EHBP1: variants seen among roughly 807,000 people sequenced by gnomAD.
The protein encoded by EHBP1 is EH domain-binding protein 1.
In EHBP1, 55 loss-of-function variants were observed where a neutral mutation model predicts 144.0. The observed-to-expected ratio is 0.38, with a 90% CI of 0.31 to 0.48. The LOEUF (loss-of-function observed/expected upper bound fraction) is 0.48, where lower values mean the gene tolerates loss of function less well. Ranked by LOEUF, EHBP1 falls within the 20% of genes least tolerant of loss-of-function variation. The pLI, the probability that EHBP1 is intolerant of heterozygous loss-of-function variation, is 0.98. For synonymous variants in EHBP1, 469 were observed against 472.7 expected (o/e 0.99, Z 0.10); for missense variants, 1,200 against 1,364.2 (o/e 0.88, Z 1.90).
At chr2:62,837,471 T>A (rs1360896828) in intron 7 of EHBP1, among the ~76,000 whole-genome samples, 8 of 150,532 alleles carry the variant, frequency 5.3e-5, no homozygotes, top group Admixed American at 2.0e-4. Flanking sequence ...AATGACAGGA[T>A]CAAATTCACA....
intron 5 of EHBP1, among the ~76,000 whole-genome samples, chr2:62,788,637 A>G (rs1381030767): frequency 1.3e-5 from 2 of 152,182 alleles, no homozygotes; most frequent in African/African-American, 4.8e-5. Context: ...CCTTTCACTT[A>G]AGAAAAGCAA....
At chr2:62,863,059 G>C (rs1169511973) in intron 8 of EHBP1, among the ~76,000 whole-genome samples, 1 of 152,112 alleles carries the variant, frequency 6.6e-6, no homozygotes, top group Non-Finnish European at 1.5e-5. Context: ...GAGGCAGGTG[G>C]ATCACTTGAG....
At chr2:62,809,962 T>C (rs755874731) in intron 5 of EHBP1, among the ~76,000 whole-genome samples, 2 of 152,204 alleles carry the variant, frequency 1.3e-5, no homozygotes, top group Non-Finnish European at 2.9e-5. Flanking sequence ...GGGACATACA[T>C]GTTTAATAAT....
Position 62,993,907 on chromosome 2 carries a change from A to G in EHBP1, c.2909A>G (p.Lys970Arg). 2 of 1,597,652 alleles carry G rather than the reference A, an allele frequency of 1.3e-6. No individual in the cohort carries two copies. Among genetic ancestry groups the G allele is most frequent in the Non-Finnish European group, 1.7e-6 (2 of 1,170,712 alleles). ...KRQRSIQEDT[K>R]KGNEEKAAIT... ...CAGAGATCAATACAGGAAGATACAAAGAAAGGAAATGAGGAGAAGGCAGCG... is the reference window on the plus strand; with the variant it reads ...CAGAGATCAATACAGGAAGATACAAGGAAAGGAAATGAGGAGAAGGCAGCG... The change falls in exon 18 of 23, where the codon AAG becomes AGG. Residue 970 changes from lysine (K) to arginine (R), a missense_variant. Lys to Arg is a conservative substitution (Grantham distance 26, BLOSUM62 2). Coordinates refer to ENST00000431489, the MANE Select transcript of EHBP1 (RefSeq NM_001142616.3).
intron 10 of EHBP1, among the ~76,000 whole-genome samples, chr2:62,926,086 A>G (rs896993813): frequency 6.6e-6 from 1 of 152,200 alleles, no homozygotes; most frequent in Non-Finnish European, 1.5e-5. Flanking sequence ...TAGAGAACCC[A>G]GAAATTAATT....
intron 19 of EHBP1, among the ~76,000 whole-genome samples, chr2:63,021,515 G>C (rs1463387994): frequency 6.6e-6 from 1 of 152,148 alleles, no homozygotes; most frequent in Non-Finnish European, 1.5e-5. Flanking sequence ...CTTAGACATT[G>C]TATTTTGAGA....
chr2:62,972,302 T>G (rs1027006503), intron 14 of EHBP1, among the ~76,000 whole-genome samples: 1 of 152,172 alleles, frequency 6.6e-6, no homozygotes, highest in African/African-American at 2.4e-5. Context: ...ACAGAAATAA[T>G]AAGATAATCA....
intron 10 of EHBP1, among the ~76,000 whole-genome samples, chr2:62,923,785 C>A (rs921630027): frequency 6.6e-6 from 1 of 152,146 alleles, no homozygotes; most frequent in Non-Finnish European, 1.5e-5. Flanking sequence ...GCAGGCATGC[C>A]CCAGACCAAC....
intron 10 of EHBP1, among the ~76,000 whole-genome samples, chr2:62,921,143 A>C (rs1041612420): frequency 6.6e-5 from 10 of 152,224 alleles, no homozygotes; most frequent in Non-Finnish European, 1.5e-4. Context: ...TTATAATTTT[A>C]GGATGTTAAA....
intron 5 of EHBP1, among the ~76,000 whole-genome samples, chr2:62,803,448 A>C (rs1328985362): frequency 1.3e-5 from 2 of 152,192 alleles, no homozygotes; most frequent in African/African-American, 4.8e-5. Context: ...GATGCTAGCT[A>C]TTACCACATT....
intron 10 of EHBP1, among the ~76,000 whole-genome samples, chr2:62,929,966 G>C (rs1031262332): frequency 1.8e-4 from 28 of 152,330 alleles, no homozygotes; most frequent in Non-Finnish European, 3.7e-4. Context: ...AATAGCATCA[G>C]CCAGACACAG....
intron 15 of EHBP1, among the ~76,000 whole-genome samples, chr2:62,988,601 A>G (rs1181162516): frequency 6.6e-6 from 1 of 152,164 alleles, no homozygotes; most frequent in Non-Finnish European, 1.5e-5. Flanking sequence ...TTGCTTTGGC[A>G]ATGGACCTTT....
chr2:62,754,792 G>A (rs2040114597), intron 3 of EHBP1, among the ~76,000 whole-genome samples: 1 of 152,246 alleles, frequency 6.6e-6, no homozygotes, highest in South Asian at 2.1e-4. Flanking sequence ...CGAGCCAGGA[G>A]CGGGATATAA....
rs565803103 is a variant in EHBP1, at chr2:62,858,283, C to T, written c.635-886C>T. ...ATGGGTTCATCAAAATAACATCCAC[C>T]GAATGTATTCTGTTGATTAACCAAA... On this transcript the variant is annotated intron_variant, in intron 7 of 22. Transcript: ENST00000431489. The T allele has an allele frequency of 3.1e-5, 18 of 578,450 alleles. No individual in the cohort carries two copies. The South Asian group carries it at 3.8e-4, about 12-fold the overall frequency. The allele number at this position is 578,450 out of a possible 1,614,324, so 35.8% of individuals were successfully genotyped here.
chr2:62,925,906 A>G (rs1468527730), intron 10 of EHBP1, among the ~76,000 whole-genome samples: 1 of 152,034 alleles, frequency 6.6e-6, no homozygotes, highest in African/African-American at 2.4e-5. Context: ...AATAAAAAAC[A>G]GAATTTATAT....
At chr2:62,840,458 G>A (rs1426100848) in intron 7 of EHBP1, among the ~76,000 whole-genome samples, 1 of 146,624 alleles carries the variant, frequency 6.8e-6, no homozygotes, top group African/African-American at 2.5e-5. Context: ...AACACCAAAA[G>A]CAATGGCAAC....
At chr2:63,028,261 A>G (rs1259256960) in intron 19 of EHBP1, among the ~76,000 whole-genome samples, 3 of 152,194 alleles carry the variant, frequency 2.0e-5, no homozygotes, top group Non-Finnish European at 4.4e-5. Context: ...GAGAAGGTAC[A>G]TAGGAAGGAT....
At chr2:62,919,003 TAGCTC>T (rs2054857045) in intron 10 of EHBP1, among the ~76,000 whole-genome samples, 1 of 152,206 alleles carries the variant, frequency 6.6e-6, no homozygotes, top group Non-Finnish European at 1.5e-5. Flanking sequence ...TTTCAGCTCT[TAGCTC>T]AGCAGTGGCT....
exon 1 of EHBP1, chr2:62,673,898 C>T: frequency 1.0e-5 from 4 of 394,672 alleles, no homozygotes; most frequent in South Asian, 7.9e-5. Context: ...TCTCCCTCCC[C>T]AAAGAGAGAC....
Sources: gnomAD v4.1 joint callset for allele counts (sites outside exome capture counted in the v4.1 genomes callset) on GRCh38, gnomAD v4.1.1 for gene constraint, MANE v1.5 for transcripts, NCBI Gene and HGNC (gene_info 2026-07-23, HGNC 2026-07-21) for gene names.